Variants in CUX1 observed in about 807,000 individuals in gnomAD.
CUX1 encodes the protein cut like homeobox 1, also known as protein CASP.
CUX1 carries 31 observed loss-of-function variants against 158.8 expected under a neutral mutation model. That is an observed-to-expected ratio of 0.20 (90% confidence interval 0.15 to 0.26). CUX1 has a LOEUF of 0.26. Ranked by LOEUF, CUX1 falls within the 10% of genes least tolerant of loss-of-function variation. The pLI is 1.00. For missense variants in CUX1, 1,589 were observed against 2,014.6 expected (o/e 0.79, Z 4.04); for synonymous variants, 879 against 862.1 (o/e 1.02, Z -0.34).
intron 22 of CUX1, 130 bp downstream of exon 22, chr7:102,234,370 A>G: frequency 1.3e-6 from 1 of 776,342 alleles, no homozygotes; most frequent in Non-Finnish European, 1.8e-6. Context: ...CAGGGCAAAA[A>G]TATTTTTGGA....
chr7:102,083,712 C>A (rs1282139759), intron 4 of CUX1, among the ~76,000 whole-genome samples: 1 of 146,942 alleles, frequency 6.8e-6, no homozygotes, highest in Non-Finnish European at 1.5e-5. Context: ...AAATTGACAA[C>A]ACTATTTATT....
chr7:102,283,236 C>G (rs2132858719), exon 23 of CUX1: 2 of 678,648 alleles, frequency 2.9e-6, no homozygotes, highest in East Asian at 5.5e-5. Context: ...CCCAGGTCAC[C>G]TCGGGTCCCC....
chr7:102,262,995 A>G (rs1204197652), downstream of CUX1, among the ~76,000 whole-genome samples: 4 of 146,228 alleles, frequency 2.7e-5, no homozygotes, highest in African/African-American at 7.5e-5. Flanking sequence ...GGGAAGAGCA[A>G]GTGAAAAGGG....
intron 2 of CUX1, among the ~76,000 whole-genome samples, chr7:101,935,337 C>T (rs989691500): frequency 1.6e-4 from 25 of 152,278 alleles, no homozygotes; most frequent in African/African-American, 5.3e-4. Flanking sequence ...TTCGCTGACT[C>T]TCTTTTCAGA....
intron 1 of CUX1, among the ~76,000 whole-genome samples, chr7:101,871,776 G>T (rs1189908842): frequency 6.6e-6 from 1 of 152,196 alleles, no homozygotes; most frequent in Non-Finnish European, 1.5e-5. Flanking sequence ...CCAGTTCTTT[G>T]GGAGGCCAAG....
At chr7:101,860,729 CT>C (rs1797350897) in intron 1 of CUX1, among the ~76,000 whole-genome samples, 1 of 144,502 alleles carries the variant, frequency 6.9e-6, no homozygotes, top group Non-Finnish European at 1.5e-5. Flanking sequence ...TTTATCTCCC[CT>C]TCCTCCCTTC....
intron 4 of CUX1, among the ~76,000 whole-genome samples, chr7:102,088,835 G>A (rs936918750): frequency 1.3e-5 from 2 of 151,904 alleles, no homozygotes; most frequent in African/African-American, 2.4e-5. Flanking sequence ...ACTCTCTTAC[G>A]CTTACTGGTG....
chr7:101,946,214 G>A (rs2129146764), intron 2 of CUX1, among the ~76,000 whole-genome samples: 1 of 152,286 alleles, frequency 6.6e-6, no homozygotes, highest in South Asian at 2.1e-4. Context: ...GAAGAGAAGG[G>A]TTTCCAGCAG....
chr7:101,885,818 C>T (rs1327169795), intron 1 of CUX1, among the ~76,000 whole-genome samples: 3 of 152,226 alleles, frequency 2.0e-5, no homozygotes, highest in African/African-American at 7.2e-5. Flanking sequence ...TAACAACACT[C>T]GTTGCACTCA....
rs532358540 is a variant in CUX1, at chr7:102,058,721, T to C, written c.190-11618T>C. ...CTACAATTTTTTTATTGTACACATATATTATCTACTCACAACAATGGTGAT... is the reference window on the plus strand; with the variant it reads ...CTACAATTTTTTTATTGTACACATACATTATCTACTCACAACAATGGTGAT... On this transcript the variant is annotated intron_variant, in intron 3 of 23. Coordinates refer to ENST00000292535, the MANE Select transcript of CUX1 (RefSeq NM_181552.4). Among the ~76,000 whole-genome samples, 7 of 152,348 alleles carry C rather than the reference T, an allele frequency of 4.6e-5. No individual in the cohort carries two copies. In the South Asian group the frequency reaches 6.2e-4, roughly 14 times the overall value.
chr7:101,893,185 T>A (rs990539103), intron 1 of CUX1, among the ~76,000 whole-genome samples: 6 of 87,950 alleles, frequency 6.8e-5, no homozygotes, highest in African/African-American at 3.2e-4. Flanking sequence ...TTTTTTTTTT[T>A]AAAATAGAGA....
chr7:102,041,428 A>G (rs1423509586), intron 3 of CUX1, among the ~76,000 whole-genome samples: 1 of 149,794 alleles, frequency 6.7e-6, no homozygotes, highest in African/African-American at 2.5e-5. Context: ...CTAATTTTGT[A>G]TTATTAGAAG....
At chr7:101,848,946 G>T (rs1795985134) in intron 1 of CUX1, among the ~76,000 whole-genome samples, 2 of 150,106 alleles carry the variant, frequency 1.3e-5, no homozygotes. Flanking sequence ...GAGAGCTTGG[G>T]TTCCATGAAC....
chr7:102,054,878 G>A (rs1277271195), intron 3 of CUX1, among the ~76,000 whole-genome samples: 5 of 152,100 alleles, frequency 3.3e-5, no homozygotes, highest in Non-Finnish European at 7.3e-5. Flanking sequence ...GGCTGTGGCA[G>A]GAGGATCACT....
rs1323855238 is a variant in CUX1 at position 102,251,365 on chromosome 7, T to C, written c.*2323T>C. The C allele has an allele frequency of 1.7e-5, 17 of 985,416 alleles. No homozygotes were observed. The highest frequency in any genetic ancestry group is 7.0e-5 in the African/African-American group (4 of 57,358). The allele number at this position is 985,416 out of a possible 1,614,324, so 61.0% of individuals were successfully genotyped here. A position where few individuals can be genotyped will look rare whatever the true frequency, so the allele number is the denominator to read the frequency against. On this transcript the variant is annotated 3_prime_UTR_variant, in exon 24 of 24. Coordinates refer to ENST00000292535, the MANE Select transcript of CUX1 (RefSeq NM_181552.4). ...ATGTGAAACCACGTTTCTTGCATGA[T>C]GTTTTAGAGATTATTTCATTTACAG... is the stretch of plus-strand genomic sequence containing the variant.
At chr7:102,115,373 G>T (rs1380488580) in intron 8 of CUX1, 100 bp downstream of exon 8, 24 of 965,496 alleles carry the variant, frequency 2.5e-5, no homozygotes, top group Non-Finnish European at 3.8e-5. Flanking sequence ...CTGTGCTGCT[G>T]CAGGGACACA....
chr7:101,928,147 G>C (rs917004864), intron 2 of CUX1, among the ~76,000 whole-genome samples: 7 of 152,124 alleles, frequency 4.6e-5, no homozygotes, highest in African/African-American at 1.7e-4. Context: ...TGGAATTTTA[G>C]TCAAAAACAT....
chr7:102,183,559 T>C (rs1172400826), intron 11 of CUX1, among the ~76,000 whole-genome samples: 1 of 152,134 alleles, frequency 6.6e-6, no homozygotes, highest in East Asian at 1.9e-4. Context: ...GAGACACATG[T>C]CCTTATCTAT....
chr7:101,862,397 T>C (rs1797548695), intron 1 of CUX1, among the ~76,000 whole-genome samples: 1 of 152,120 alleles, frequency 6.6e-6, no homozygotes, highest in South Asian at 2.1e-4. Flanking sequence ...TGCAGTTGGC[T>C]TTACGGTTGA....
Sources: gnomAD v4.1 joint callset for allele counts (sites outside exome capture counted in the v4.1 genomes callset) on GRCh38, gnomAD v4.1.1 for gene constraint, MANE v1.5 for transcripts, NCBI Gene and HGNC (gene_info 2026-07-23, HGNC 2026-07-21) for gene names.